The following NDRG3 variants were observed in gnomAD, a reference collection of about 807,000 sequenced individuals.
NDRG3 encodes protein NDRG3.
NDRG3 carries 23 observed loss-of-function variants against 57.2 expected under a neutral mutation model. The observed-to-expected ratio is 0.40, with a 90% CI of 0.29 to 0.57. NDRG3 has a LOEUF of 0.57. Among genes scored for constraint, NDRG3 ranks in the 20% least tolerant of loss-of-function variants. The probability of loss-of-function intolerance (pLI) is 0.42; values close to 1 mark genes in which losing one functional copy is unlikely to be tolerated. For missense variants in NDRG3, 384 were observed against 457.3 expected, an observed-to-expected ratio of 0.84 and a Z score of 1.46; for synonymous variants, 132 against 162.6, an observed-to-expected ratio of 0.81 and a Z score of 1.43.
At chr20:36,740,090 C>T (rs1175889929) in intron 1 of NDRG3, among the ~76,000 whole-genome samples, 1 of 152,124 alleles carries the variant, frequency 6.6e-6, no homozygotes, top group South Asian at 2.1e-4. Context: ...ATAGCTAAAG[C>T]CTGGCGGAAA....
At chr20:36,727,917 A>G (rs1985043370) in intron 1 of NDRG3, among the ~76,000 whole-genome samples, 1 of 152,162 alleles carries the variant, frequency 6.6e-6, no homozygotes, top group African/African-American at 2.4e-5. Flanking sequence ...AGTAATAAAG[A>G]GCCAGGAGCG....
intron 1 of NDRG3, among the ~76,000 whole-genome samples, chr20:36,739,921 A>AC (rs1302655946): frequency 6.6e-6 from 1 of 151,300 alleles, no homozygotes; most frequent in Non-Finnish European, 1.5e-5. Context: ...AAAAAAAAAA[A>AC]AAAAAAAAAA....
intron 3 of NDRG3, among the ~76,000 whole-genome samples, chr20:36,701,093 T>C (rs1227475080): frequency 6.6e-6 from 1 of 152,158 alleles, no homozygotes; most frequent in African/African-American, 2.4e-5. Context: ...ACTTACTGAT[T>C]ATTTATTACC....
At chr20:36,674,586 T>C (rs1296802826) in intron 8 of NDRG3, among the ~76,000 whole-genome samples, 1 of 146,836 alleles carries the variant, frequency 6.8e-6, no homozygotes. Flanking sequence ...GGTTTGAGTA[T>C]CAATAAAGCT....
intron 3 of NDRG3, among the ~76,000 whole-genome samples, chr20:36,705,823 C>T (rs1983519748): frequency 6.6e-6 from 1 of 152,178 alleles, no homozygotes; most frequent in South Asian, 2.1e-4. Flanking sequence ...TAGCTCACTG[C>T]AACTTCTGCC....
At chr20:36,654,681 C>T (rs745658679) in intron 15 of NDRG3, 66 of 706,418 alleles carry the variant, frequency 9.3e-5, no homozygotes, top group Non-Finnish European at 1.3e-4. Flanking sequence ...TCTCTTGGGG[C>T]GTACTGAGCC....
At chr20:36,699,958 A>G (rs1983102805) in intron 3 of NDRG3, among the ~76,000 whole-genome samples, 1 of 151,902 alleles carries the variant, frequency 6.6e-6, no homozygotes, top group African/African-American at 2.4e-5. Context: ...CGTCTCTACT[A>G]AAAATACAAA....
At chr20:36,686,109 T>C (rs1437567269) in intron 5 of NDRG3, among the ~76,000 whole-genome samples, 1 of 152,200 alleles carries the variant, frequency 6.6e-6, no homozygotes, top group African/African-American at 2.4e-5. Flanking sequence ...GACAGGGAAG[T>C]CAGCCTGCCT....
At chr20:36,690,250 C>T (rs2148125198) in intron 3 of NDRG3, among the ~76,000 whole-genome samples, 1 of 151,716 alleles carries the variant, frequency 6.6e-6, no homozygotes, top group Middle Eastern at 3.5e-3. Flanking sequence ...AAAGATGTAG[C>T]CAGAGCAAAG....
chr20:36,733,171 A>AAAT (rs1555807709), intron 1 of NDRG3, among the ~76,000 whole-genome samples: 18 of 33,200 alleles, frequency 5.4e-4, no homozygotes, highest in Non-Finnish European at 6.7e-4. Flanking sequence ...AAAAAAAAAA[A>AAAT]ATATATATAT....
intron 1 of NDRG3, among the ~76,000 whole-genome samples, chr20:36,743,437 T>G (rs1986014488): frequency 6.6e-6 from 1 of 152,046 alleles, no homozygotes; most frequent in Non-Finnish European, 1.5e-5. Flanking sequence ...GAGGTTGCAG[T>G]GAGCCGAGAT....
At chr20:36,676,934 G>C (rs1210672074) in intron 8 of NDRG3, among the ~76,000 whole-genome samples, 1 of 152,254 alleles carries the variant, frequency 6.6e-6, no homozygotes, top group African/African-American at 2.4e-5. Flanking sequence ...GGAGCAAGCA[G>C]GATCCCCGCC....
intron 2 of NDRG3, among the ~76,000 whole-genome samples, chr20:36,713,906 T>C (rs958778347): frequency 8.5e-5 from 13 of 152,056 alleles, no homozygotes; most frequent in African/African-American, 3.1e-4. Flanking sequence ...TAAAAAACTG[T>C]TAAAGAGAAT....
chr20:36,684,371 A>T (rs757922491), intron 6 of NDRG3, 42 bp downstream of exon 6: 2 of 1,510,966 alleles, frequency 1.3e-6, no homozygotes, highest in Non-Finnish European at 1.8e-6. Flanking sequence ...TCACCATAGA[A>T]AGTCAATAAA....
chr20:36,726,914 CT>C (rs34520989), intron 1 of NDRG3, among the ~76,000 whole-genome samples: 148 of 125,382 alleles, frequency 1.2e-3, no homozygotes, highest in Middle Eastern at 4.0e-3. Context: ...ATCTTTCTTT[CT>C]TTTTTTTTTT....
intron 2 of NDRG3, among the ~76,000 whole-genome samples, chr20:36,711,981 A>G (rs367868321): frequency 9.2e-5 from 14 of 152,240 alleles, no homozygotes; most frequent in African/African-American, 3.1e-4. Context: ...GGGTTTCACC[A>G]TGTTAGCCAG....
chr20:36,697,910 C>T lies in NDRG3; in HGVS notation c.93+9062G>A, dbSNP rs145283451. 1.5e-3 allele frequency among the ~76,000 whole-genome samples: 233 copies of T among 151,100 alleles called. 1 individual carries two copies. The highest frequency in any genetic ancestry group is 5.4e-3 in the African/African-American group (223 of 41,188). On this transcript the variant is annotated intron_variant, in intron 3 of 15. Transcript: ENST00000349004. ...TATACAATCATGACATACCTTTTTC[C>T]GAATGTTTCCAATAGTTCTAGGTTA...
intron 1 of NDRG3, among the ~76,000 whole-genome samples, chr20:36,734,486 T>C (rs537057903): frequency 1.3e-5 from 2 of 152,306 alleles, no homozygotes; most frequent in East Asian, 3.9e-4. Flanking sequence ...AGCCCTGATA[T>C]GTAGTGAATA....
At chr20:36,677,609 T>C (rs1252474411) in intron 8 of NDRG3, among the ~76,000 whole-genome samples, 2 of 152,170 alleles carry the variant, frequency 1.3e-5, no homozygotes, top group Non-Finnish European at 2.9e-5. Flanking sequence ...GAAGGGCTAC[T>C]CTCTCTGCTG....
Sources: gnomAD v4.1 joint callset for allele counts (sites outside exome capture counted in the v4.1 genomes callset) on GRCh38, gnomAD v4.1.1 for gene constraint, MANE v1.5 for transcripts, NCBI Gene and HGNC (gene_info 2026-07-23, HGNC 2026-07-21) for gene names.